Variants in GALNT17 observed in about 807,000 individuals in gnomAD.
GALNT17 encodes UDP-GalNAc:polypeptide N-acetylgalactosaminyltransferase-like 3.
Under a neutral mutation model 63.7 loss-of-function variants are expected in GALNT17, and 29 were observed. The observed-to-expected ratio is 0.46, with a 90% CI of 0.34 to 0.62. The LOEUF (loss-of-function observed/expected upper bound fraction) is 0.62, where lower values mean the gene tolerates loss of function less well. Ranked by LOEUF, GALNT17 falls within the 20% of genes least tolerant of loss-of-function variation. The pLI, the probability that GALNT17 is intolerant of heterozygous loss-of-function variation, is 0.01. For missense variants in GALNT17, 603 were observed against 799.6 expected (o/e 0.75, Z 2.97); for synonymous variants, 305 against 318.3 (o/e 0.96, Z 0.45).
intron 1 of GALNT17, among the ~76,000 whole-genome samples, chr7:71,227,444 G>A (rs150744771): frequency 7.2e-5 from 11 of 152,048 alleles, no homozygotes; most frequent in African/African-American, 2.7e-4. Flanking sequence ...GAACTCAGGG[G>A]AGATCCCAGT....
intron 6 of GALNT17, among the ~76,000 whole-genome samples, chr7:71,588,451 T>C (rs1789751309): frequency 6.6e-6 from 1 of 152,238 alleles, no homozygotes; most frequent in Non-Finnish European, 1.5e-5. Flanking sequence ...ATTTTCTCTG[T>C]GTGATTATAC....
At chr7:71,630,374 G>T (rs1339842269) in intron 6 of GALNT17, among the ~76,000 whole-genome samples, 11 of 152,174 alleles carry the variant, frequency 7.2e-5, no homozygotes, top group African/African-American at 2.4e-4. Flanking sequence ...CTGGATGAAG[G>T]TCTCAGCATT....
intron 6 of GALNT17, among the ~76,000 whole-genome samples, chr7:71,593,604 T>C (rs1339232320): frequency 6.6e-6 from 1 of 152,164 alleles, no homozygotes; most frequent in Non-Finnish European, 1.5e-5. Context: ...CTACTGTCTG[T>C]AGATATGCAG....
At chr7:71,321,387 G>A (rs1791602397) in intron 1 of GALNT17, among the ~76,000 whole-genome samples, 4 of 152,140 alleles carry the variant, frequency 2.6e-5, no homozygotes, top group African/African-American at 7.2e-5. Flanking sequence ...AGACATACGT[G>A]TTTATCTTCT....
intron 6 of GALNT17, among the ~76,000 whole-genome samples, chr7:71,618,308 C>A (rs1173138461): frequency 1.3e-5 from 2 of 152,202 alleles, no homozygotes; most frequent in African/African-American, 2.4e-5. Flanking sequence ...AGAATGATTT[C>A]TTTTCTTTTG....
At chr7:71,261,689 C>T (rs1790388342) in intron 1 of GALNT17, among the ~76,000 whole-genome samples, 1 of 152,210 alleles carries the variant, frequency 6.6e-6, no homozygotes, top group Non-Finnish European at 1.5e-5. Context: ...TGCCCTGGTG[C>T]CCTTGGCTGT....
intron 1 of GALNT17, among the ~76,000 whole-genome samples, chr7:71,222,195 C>T (rs1305069688): frequency 1.3e-5 from 2 of 151,994 alleles, no homozygotes; most frequent in African/African-American, 4.8e-5. Flanking sequence ...GTGTGAGCCA[C>T]CACTGCTGGC....
intron 1 of GALNT17, among the ~76,000 whole-genome samples, chr7:71,224,716 A>G (rs558976686): frequency 6.6e-6 from 1 of 152,260 alleles, no homozygotes; most frequent in Admixed American, 6.5e-5. Flanking sequence ...TTCTGAAACA[A>G]CATCTGGAGC....
intron 1 of GALNT17, among the ~76,000 whole-genome samples, chr7:71,154,228 G>GAGAC (rs79771231): frequency 0.33 from 50,556 of 151,730 alleles, 8,786 homozygotes; most frequent in Middle Eastern, 0.38. Context: ...GAGAGAGAAA[G>GAGAC]AGAGAGAGAT....
intron 9 of GALNT17, among the ~76,000 whole-genome samples, chr7:71,688,757 C>A (rs1791398791): frequency 2.6e-5 from 4 of 152,132 alleles, no homozygotes; most frequent in African/African-American, 2.4e-5. Context: ...TATATCTGTT[C>A]CTGTTTGATC....
chr7:71,299,197 GC>G (rs999643582), intron 1 of GALNT17, among the ~76,000 whole-genome samples: 3 of 152,160 alleles, frequency 2.0e-5, no homozygotes, highest in African/African-American at 7.2e-5. Context: ...CCAGCTGGTG[GC>G]CCGCCTTGAC....
intron 5 of GALNT17, among the ~76,000 whole-genome samples, chr7:71,493,224 G>A (rs570158454): frequency 2.0e-5 from 3 of 152,242 alleles, no homozygotes; most frequent in South Asian, 4.2e-4. Context: ...AGGACAGTGA[G>A]TGTAGGCATG....
At chr7:71,507,029 G>A (rs984616451) in intron 5 of GALNT17, among the ~76,000 whole-genome samples, 5 of 152,218 alleles carry the variant, frequency 3.3e-5, no homozygotes, top group African/African-American at 1.2e-4. Flanking sequence ...GAGGCCAGGA[G>A]TTCCAGGCCA....
In GALNT17 at chr7:71,629,969, C is replaced by G. The variant is rs201189378; in HGVS notation, c.1081-35442C>G. 8.3e-5 allele frequency among the ~76,000 whole-genome samples: 12 copies of G among 145,454 alleles called. No homozygotes were observed. In the East Asian group the frequency reaches 2.5e-3, roughly 30 times the overall value. On this transcript the variant is annotated intron_variant, in intron 6 of 10. Transcript: ENST00000333538. ...CTCCCAAACAGTTGAGCTGATAAAC[C>G]CTCCTCATGTACTCATTCCTTCTAG...
chr7:71,151,535 G>A (rs1788132329), intron 1 of GALNT17, among the ~76,000 whole-genome samples: 1 of 151,718 alleles, frequency 6.6e-6, no homozygotes, highest in African/African-American at 2.4e-5. Flanking sequence ...GCAGGAGAAT[G>A]GCGTGAACCC....
intron 9 of GALNT17, among the ~76,000 whole-genome samples, chr7:71,692,571 T>A (rs1318705827): frequency 6.6e-6 from 1 of 152,092 alleles, no homozygotes; most frequent in Non-Finnish European, 1.5e-5. Context: ...GAGCTTTGAT[T>A]TCTCCTTGGG....
At chr7:71,599,329 AC>A (rs1209952677) in intron 6 of GALNT17, among the ~76,000 whole-genome samples, 1 of 152,108 alleles carries the variant, frequency 6.6e-6, no homozygotes, top group Non-Finnish European at 1.5e-5. Flanking sequence ...GTTTGTTGCC[AC>A]CCTCTGACAG....
intron 5 of GALNT17, among the ~76,000 whole-genome samples, chr7:71,464,174 G>A (rs1787498409): frequency 1.3e-5 from 2 of 152,172 alleles, no homozygotes; most frequent in African/African-American, 4.8e-5. Flanking sequence ...TTAAGCGTGG[G>A]GGATTCTTGT....
chr7:71,614,992 A>G (rs2116959418), intron 6 of GALNT17, among the ~76,000 whole-genome samples: 1 of 152,256 alleles, frequency 6.6e-6, no homozygotes, highest in South Asian at 2.1e-4. Context: ...GTCCAGCCTC[A>G]CATTTCTAGT....
Sources: gnomAD v4.1 joint callset for allele counts (sites outside exome capture counted in the v4.1 genomes callset) on GRCh38, gnomAD v4.1.1 for gene constraint, MANE v1.5 for transcripts, NCBI Gene and HGNC (gene_info 2026-07-23, HGNC 2026-07-21) for gene names.